The following CTR9 variants were observed in gnomAD, a reference collection of about 807,000 sequenced individuals.
CTR9 encodes the protein CTR9 component of Paf1/RNA polymerase II complex.
Under a neutral mutation model 152.1 loss-of-function variants are expected in CTR9, and 41 were observed. That is an observed-to-expected ratio of 0.27 (90% CI 0.21 to 0.35). The LOEUF is 0.35. CTR9 is among the 10% of genes least tolerant of loss of function. CTR9 has a pLI of 1.00. For synonymous variants in CTR9, 476 were observed against 496.2 expected (o/e 0.96, Z 0.54); for missense variants, 917 against 1,424.4 (o/e 0.64, Z 5.73).
chr11:10,768,474 A>G lies in CTR9; in HGVS notation c.2092A>G (p.Ile698Val). 5 of 1,608,384 alleles carry G rather than the reference A, an allele frequency of 3.1e-6. No individual in the cohort carries two copies. The highest frequency in any genetic ancestry group is 4.2e-6 in the Non-Finnish European group (5 of 1,178,440). The change falls in exon 16 of 25, where the codon ATC becomes GTC. Residue 698 changes from isoleucine to valine, a missense_variant. By Grantham distance (29) the Ile-to-Val change is conservative (BLOSUM62 3). Around this residue, in one of 9 missense-constraint regions of CTR9, gnomAD observed 87 missense variants for 235.7 expected, o/e 0.37. Coordinates refer to ENST00000361367, the MANE Select transcript of CTR9 (RefSeq NM_014633.5). ...AHIYVEQKQY[I>V]SAVQMYENCL... is the part of the protein sequence containing the mutation. ...CATCTATGTGGAGCAAAAGCAGTACATCAGCGCCGTTCAGATGGTAATAGC... is the reference window on the plus strand; with the variant it reads ...CATCTATGTGGAGCAAAAGCAGTACGTCAGCGCCGTTCAGATGGTAATAGC...
intron 1 of CTR9, among the ~76,000 whole-genome samples, chr11:10,751,860 G>A (rs1233173862): frequency 2.6e-5 from 4 of 152,064 alleles, no homozygotes; most frequent in Admixed American, 6.6e-5. Flanking sequence ...ATCTTTCCCT[G>A]GGAATATATA....
At chr11:10,753,496 T>A (rs1024230622) in intron 2 of CTR9, among the ~76,000 whole-genome samples, 32 of 152,170 alleles carry the variant, frequency 2.1e-4, no homozygotes, top group Non-Finnish European at 3.7e-4. Flanking sequence ...GGAATTGGGC[T>A]TATATCCAGT....
At chr11:10,768,615 A>T (rs1247467206) in intron 16 of CTR9, 124 bp downstream of exon 16, 3 of 978,986 alleles carry the variant, frequency 3.1e-6, no homozygotes, top group Non-Finnish European at 4.3e-6. Flanking sequence ...CTATTTAGAG[A>T]TTTATAATTA....
chr11:10,773,102 T>G, intron 20 of CTR9, 25 bp from the exon 21 acceptor site: 1 of 1,581,130 alleles, frequency 6.3e-7, no homozygotes, highest in African/African-American at 1.4e-5. Flanking sequence ...CAGTGGGGTT[T>G]CTTTTCTACC....
intron 21 of CTR9, 105 bp from the exon 22 acceptor site, chr11:10,773,907 T>A: frequency 1.7e-5 from 11 of 648,782 alleles, no homozygotes; most frequent in Non-Finnish European, 2.5e-5. Context: ...AAAAAAATCC[T>A]TCATTGTCAA....
In CTR9 at chr11:10,774,013, G is replaced by C; in HGVS notation, c.2729G>C (p.Arg910Pro). ...EKKRGGGGGRRSKKGGEFDEF... is the reference protein window; with the variant it reads ...EKKRGGGGGRPSKKGGEFDEF... ...ACTATAGTGTTGTTTGGATTTTAGC[G>C]TTCTAAGAAGGGAGGAGAGTTTGAT... The change falls in exon 22 of 25, where the codon CGT becomes CCT. Residue 910 changes from arginine (R) to proline (P), a missense_variant and splice_region_variant. Coordinates refer to ENST00000361367, the MANE Select transcript of CTR9 (RefSeq NM_014633.5). 6.2e-7 allele frequency: 1 copy of C among 1,608,346 alleles called. No homozygotes were observed.
At position 10,762,006 on chromosome 11, in the gene CTR9, C is replaced by T. The variant is rs1862986049; in HGVS notation, c.801C>T (p.Ser267=). The T allele has an allele frequency of 1.2e-6, 2 of 1,611,102 alleles. No homozygotes were observed. The highest frequency in any genetic ancestry group is 4.5e-5 in the East Asian group (2 of 44,714). ...CCAGAGCCTATACTATTGATCCTAG[C>T]AACCCTATGGTATTGAACCATTTGG... ...LLSRAYTIDP[S]NPMVLNHLAN... Residue 267 remains serine (S), a synonymous_variant, in exon 7 of 25, where the codon AGC becomes AGT. Coordinates refer to ENST00000361367, the MANE Select transcript of CTR9 (RefSeq NM_014633.5).
At chr11:10,764,051 A>G in intron 9 of CTR9, 61 bp from the exon 10 acceptor site, 1 of 1,533,972 alleles carries the variant, frequency 6.5e-7, no homozygotes, top group Non-Finnish European at 9.0e-7. Context: ...CATAGCCCCC[A>G]CTTTTTATTT....
chr11:10,763,554 C>A lies in CTR9; in HGVS notation c.957+16C>A. The A allele has an allele frequency of 6.3e-7, 1 of 1,580,986 alleles. No individual in the cohort carries two copies. Among genetic ancestry groups the A allele is most frequent in the Non-Finnish European group, 8.6e-7 (1 of 1,163,484 alleles). Reference sequence around the variant, plus strand: ...CCATGTTCAGGTAATTTTATAACTTCTCTAAATGTCTAATCTTTTTACTTA... The same window carrying A: ...CCATGTTCAGGTAATTTTATAACTTATCTAAATGTCTAATCTTTTTACTTA... On this transcript the variant is annotated intron_variant, in intron 8 of 24. Transcript: ENST00000361367.
chr11:10,774,930 C>T (rs1294681211), intron 22 of CTR9, among the ~76,000 whole-genome samples: 1 of 152,200 alleles, frequency 6.6e-6, no homozygotes, highest in Non-Finnish European at 1.5e-5. Flanking sequence ...TTCTCATCTT[C>T]TCTGTCACTC....
At chr11:10,766,850 A>G (rs796386179) in intron 13 of CTR9, among the ~76,000 whole-genome samples, 6 of 152,328 alleles carry the variant, frequency 3.9e-5, no homozygotes, top group African/African-American at 1.4e-4. Context: ...ATAGCATAGT[A>G]TCTTAGGATT....
intron 22 of CTR9, among the ~76,000 whole-genome samples, chr11:10,774,620 T>C (rs750055728): frequency 6.6e-6 from 1 of 151,658 alleles, no homozygotes; most frequent in Admixed American, 6.6e-5. Flanking sequence ...CCACCCAGTG[T>C]TCTCTGCTGT....
intron 24 of CTR9, 90 bp downstream of exon 24, chr11:10,775,723 ACTTTT>A: frequency 2.6e-6 from 2 of 758,478 alleles, no homozygotes; most frequent in Non-Finnish European, 2.0e-6. Context: ...AGAAAAATAT[ACTTTT>A]CTTTCTTTTT....
intron 24 of CTR9, among the ~76,000 whole-genome samples, chr11:10,776,410 C>T (rs962384403): frequency 6.6e-5 from 10 of 152,196 alleles, no homozygotes; most frequent in African/African-American, 2.2e-4. Context: ...CATGGCCCAC[C>T]CAGTGAAGCA....
rs1863144132 is a variant in CTR9, at chr11:10,771,598, T to C, written c.2426T>C (p.Leu809Pro). The change falls in exon 19 of 25, where the codon CTT (leucine) becomes CCT (proline). Residue 809 changes from leucine (L) to proline (P), a missense_variant. Transcript: ENST00000361367. ...GATAAAATGAGATTTGATTTGGCCC[T>C]TGCTGCTACAGAAGCCAGGTAATGT... ...VGDKMRFDLA[L>P]AATEARQCSD... 1 of 1,612,356 alleles carries C rather than the reference T, an allele frequency of 6.2e-7. No individual in the cohort carries two copies. Among genetic ancestry groups the C allele is most frequent in the African/African-American group, 1.3e-5 (1 of 74,866 alleles).
intron 5 of CTR9, among the ~76,000 whole-genome samples, chr11:10,757,440 G>T (rs1227883089): frequency 6.6e-6 from 1 of 151,790 alleles, no homozygotes; most frequent in African/African-American, 2.4e-5. Context: ...AAAATCAGCC[G>T]CACATGGTAG....
chr11:10,769,523 C>G (rs926048975), intron 16 of CTR9, among the ~76,000 whole-genome samples: 3 of 152,170 alleles, frequency 2.0e-5, no homozygotes, highest in African/African-American at 7.2e-5. Context: ...CAGAAACTCA[C>G]AGAACCTAGA....
intron 22 of CTR9, among the ~76,000 whole-genome samples, chr11:10,775,002 T>C (rs1863207916): frequency 6.6e-6 from 1 of 152,208 alleles, no homozygotes; most frequent in Non-Finnish European, 1.5e-5. Flanking sequence ...TCAGCAGACA[T>C]TGCATAAATA....
At chr11:10,772,109 A>G (rs935515922) in intron 19 of CTR9, among the ~76,000 whole-genome samples, 1 of 152,050 alleles carries the variant, frequency 6.6e-6, no homozygotes, top group African/African-American at 2.4e-5. Context: ...TAATCCTGGC[A>G]CTTTTGGAGG....
Sources: gnomAD v4.1 joint callset for allele counts (sites outside exome capture counted in the v4.1 genomes callset) on GRCh38, gnomAD v4.1.1 for gene constraint, gnomAD v4.1.1 regional missense constraint, MANE v1.5 for transcripts, NCBI Gene and HGNC (gene_info 2026-07-23, HGNC 2026-07-21) for gene names.